GARRE1: variants seen among roughly 807,000 people sequenced by gnomAD.
GARRE1 encodes granule associated Rac and RHOG effector protein 1.
GARRE1 carries 49 observed loss-of-function variants against 103.2 expected under a neutral mutation model. The ratio of observed to expected loss-of-function variants is 0.47; its 90% CI spans 0.38 to 0.60. The LOEUF (loss-of-function observed/expected upper bound fraction) is 0.60. Ranked by LOEUF, GARRE1 falls within the 20% of genes least tolerant of loss-of-function variation. The pLI, the probability that GARRE1 is intolerant of heterozygous loss-of-function variation, is 0.00. For missense variants in GARRE1, 1,199 were observed against 1,370.5 expected (o/e 0.87, Z 1.98); for synonymous variants, 505 against 532.8 (o/e 0.95, Z 0.72).
rs181212589 is a variant in GARRE1 at position 34,276,764 on chromosome 19, G to A, written c.-796+22150G>A. Among the ~76,000 whole-genome samples, 36 of 152,334 alleles carry A rather than the reference G, an allele frequency of 2.4e-4. No homozygotes were observed. In the East Asian group the frequency reaches 3.5e-3, roughly 15 times the overall value. On this transcript the variant is annotated intron_variant, in intron 1 of 13. Transcript: ENST00000299505. ...AGCTTGCTATAGCAGCCAGTTTCTC[G>A]AGTTTGCGCGACAGTGCCACTGGAA...
chr19:34,336,766 A>C (rs2074162984), intron 8 of GARRE1, among the ~76,000 whole-genome samples: 2 of 152,326 alleles, frequency 1.3e-5, no homozygotes, highest in African/African-American at 2.4e-5. Flanking sequence ...CACTGCACCC[A>C]ACCCTGAATT....
intron 1 of GARRE1, among the ~76,000 whole-genome samples, chr19:34,290,079 G>A (rs1390044731): frequency 6.6e-6 from 1 of 152,094 alleles, no homozygotes; most frequent in Non-Finnish European, 1.5e-5. Context: ...TGTAAGGACC[G>A]GGCGCAGTGG....
At chr19:34,296,364 T>G in intron 1 of GARRE1, 1 of 1,305,728 alleles carries the variant, frequency 7.7e-7, no homozygotes, top group East Asian at 2.3e-5. Flanking sequence ...GCTGATTTGA[T>G]CCTTGGCCTT....
chr19:34,268,905 TC>T (rs1357734697), intron 1 of GARRE1, among the ~76,000 whole-genome samples: 1 of 152,202 alleles, frequency 6.6e-6, no homozygotes, highest in Non-Finnish European at 1.5e-5. Context: ...GCATTGATCT[TC>T]CTGTTCCTTC....
At chr19:34,304,287 C>T (rs1429403388) in intron 2 of GARRE1, among the ~76,000 whole-genome samples, 2 of 151,348 alleles carry the variant, frequency 1.3e-5, no homozygotes, top group African/African-American at 2.4e-5. Context: ...GACAGGGTTT[C>T]GCCATGTTGG....
Position 34,352,642 on chromosome 19 carries a change from C to G in GARRE1, c.2905-5C>G, listed in dbSNP as rs770599721. On this transcript the variant is annotated splice_polypyrimidine_tract_variant and splice_region_variant and intron_variant, in intron 13 of 13. Coordinates refer to ENST00000299505, the MANE Select transcript of GARRE1 (RefSeq NM_014686.5). ...TGCCACTAAGAACTCTCTTTTGTTT[C>G]TCAGGATAACAAAACCAAAACGTGG... 1.1e-5 allele frequency: 17 copies of G among 1,604,740 alleles called. No homozygotes were observed. In the East Asian group the frequency reaches 3.6e-4, roughly 34 times the overall value.
chr19:34,327,682 A>G, intron 4 of GARRE1, 89 bp from the exon 5 acceptor site: 2 of 1,475,616 alleles, frequency 1.4e-6, no homozygotes, highest in East Asian at 2.3e-5. Flanking sequence ...TTTAATAGCT[A>G]TAGAAATTTA....
intron 2 of GARRE1, among the ~76,000 whole-genome samples, chr19:34,314,351 CA>C (rs928743128): frequency 9.3e-5 from 14 of 149,766 alleles, no homozygotes; most frequent in East Asian, 5.8e-4. Context: ...CTACTTTTTG[CA>C]AAAAAAAATC....
intron 7 of GARRE1, among the ~76,000 whole-genome samples, chr19:34,333,145 CA>C (rs1341228749): frequency 2.6e-5 from 4 of 152,288 alleles, no homozygotes; most frequent in Admixed American, 2.6e-4. Flanking sequence ...CTCCTGGGTT[CA>C]AGCTATTCTC....
intron 1 of GARRE1, among the ~76,000 whole-genome samples, chr19:34,262,276 C>G (rs1442978287): frequency 9.6e-6 from 1 of 104,138 alleles, no homozygotes; most frequent in African/African-American, 2.8e-5. Context: ...AGCCACCATG[C>G]CCAGCTGCTG....
At chr19:34,257,398 C>T (rs1199339713) in intron 1 of GARRE1, among the ~76,000 whole-genome samples, 2 of 151,856 alleles carry the variant, frequency 1.3e-5, no homozygotes, top group African/African-American at 4.8e-5. Context: ...AGTGCAGTGG[C>T]GCAATCTTGG....
intron 1 of GARRE1, among the ~76,000 whole-genome samples, chr19:34,273,875 G>A (rs1483814633): frequency 6.6e-6 from 1 of 152,160 alleles, no homozygotes; most frequent in East Asian, 1.9e-4. Flanking sequence ...TAGGAAGTGG[G>A]TGGTGTTGGG....
intron 1 of GARRE1, among the ~76,000 whole-genome samples, chr19:34,280,232 C>T (rs2073843401): frequency 6.6e-6 from 1 of 152,162 alleles, no homozygotes. Flanking sequence ...GATCCAGTCA[C>T]CTCCTCCCAG....
At chr19:34,302,305 T>TG (rs948436060) in intron 2 of GARRE1, among the ~76,000 whole-genome samples, 1 of 145,542 alleles carries the variant, frequency 6.9e-6, no homozygotes, top group African/African-American at 2.6e-5. Context: ...TTTTTTTTTT[T>TG]TTTTTTTGAG....
chr19:34,339,775 A>C, intron 8 of GARRE1, 92 bp from the exon 9 acceptor site: 1 of 1,493,124 alleles, frequency 6.7e-7, no homozygotes, highest in Non-Finnish European at 9.2e-7. Context: ...CGCCAGAGGT[A>C]CATAAAAGTT....
chr19:34,270,118 C>G (rs1322834919), intron 1 of GARRE1, among the ~76,000 whole-genome samples: 3 of 152,218 alleles, frequency 2.0e-5, no homozygotes, highest in African/African-American at 7.2e-5. Context: ...TTGTGAACTT[C>G]CTCCCCCACT....
Position 34,347,953 on chromosome 19 carries a change from C to G in GARRE1, c.2598C>G (p.His866Gln). The G allele has an allele frequency of 1.3e-6, 2 of 1,589,884 alleles. No homozygotes were observed. Among genetic ancestry groups the G allele is most frequent in the South Asian group, 1.1e-5 (1 of 87,948 alleles). Residue 866 changes from histidine to glutamine, a missense_variant, in exon 11 of 14, where the codon CAC becomes CAG. Physicochemically the swap from His to Gln is conservative, Grantham distance 24. Coordinates refer to ENST00000299505, the MANE Select transcript of GARRE1 (RefSeq NM_014686.5). ...TGCAGCAGAAGCGGCAGGCCCAGCACGGTCGCCGGCCAGGCAACCCCCGGG... is the reference window on the plus strand; with the variant it reads ...TGCAGCAGAAGCGGCAGGCCCAGCAGGGTCGCCGGCCAGGCAACCCCCGGG... ...QAMQQKRQAQHGRRPGNPRGN... is the reference protein window; with the variant it reads ...QAMQQKRQAQQGRRPGNPRGN...
chr19:34,313,584 A>G (rs557459967), intron 2 of GARRE1, among the ~76,000 whole-genome samples: 18 of 152,056 alleles, frequency 1.2e-4, no homozygotes, highest in Admixed American at 5.2e-4. Flanking sequence ...GTTCATGGAG[A>G]CTGATTTCCA....
rs1254009290 is a variant in GARRE1, at chr19:34,309,169, CAATACCA to C, written c.495+8202_495+8208del. On this transcript the variant is annotated intron_variant, in intron 2 of 13. Coordinates refer to ENST00000299505, the MANE Select transcript of GARRE1 (RefSeq NM_014686.5). ...GTGGGGTGTAGTGACGCAAGTTATG[CAATACCA>C]CGAGAAGGCAACCAGACAAATTCAC... 2.0e-5 allele frequency among the ~76,000 whole-genome samples: 3 copies of C among 151,830 alleles called. No homozygotes were observed. The East Asian group carries it at 5.8e-4, about 29-fold the overall frequency.
Sources: allele counts gnomAD v4.1 joint callset (sites outside exome capture counted in the v4.1 genomes callset), GRCh38; gene constraint gnomAD v4.1.1; transcripts MANE v1.5; gene names NCBI Gene and HGNC (gene_info 2026-07-23, HGNC 2026-07-21).